Variants in TAFA1 observed in about 807,000 individuals in gnomAD.
TAFA1 encodes chemokine-like protein TAFA-1.
Under a neutral mutation model 18.5 loss-of-function variants are expected in TAFA1, and 4 were observed. The ratio of observed to expected loss-of-function variants is 0.22; its 90% confidence interval spans 0.11 to 0.49. TAFA1 has a LOEUF of 0.49. Among genes scored for constraint, TAFA1 ranks in the 20% least tolerant of loss-of-function variants. TAFA1 has a pLI of 0.98. For synonymous variants in TAFA1, 56 were observed against 55.2 expected (o/e 1.01, Z -0.06); for missense variants, 147 against 169.0 (o/e 0.87, Z 0.72).
In TAFA1 at chr3:68,284,740, C is replaced by T. The variant is rs74452852; in HGVS notation, c.119-132540C>T. On this transcript the variant is annotated intron_variant, in intron 2 of 4. Transcript: ENST00000478136. ...GACAAGAGTTCAAGACTATCCTGGGCGACATAGTGAGAACCCCATCTCTAC... is the reference window on the plus strand; with the variant it reads ...GACAAGAGTTCAAGACTATCCTGGGTGACATAGTGAGAACCCCATCTCTAC... Among the ~76,000 whole-genome samples the T allele has an allele frequency of 6.5e-3, 984 of 151,378 alleles. 11 individuals are homozygous for T. The highest frequency in any genetic ancestry group is 0.02 in the African/African-American group (842 of 41,196).
At chr3:68,214,114 G>T (rs913307607) in intron 2 of TAFA1, among the ~76,000 whole-genome samples, 2 of 152,028 alleles carry the variant, frequency 1.3e-5, no homozygotes, top group Non-Finnish European at 2.9e-5. Context: ...TGGTTTCTTG[G>T]ATTTGCTTGT....
At chr3:68,323,550 ACT>A (rs2068726161) in intron 2 of TAFA1, among the ~76,000 whole-genome samples, 1 of 152,188 alleles carries the variant, frequency 6.6e-6, no homozygotes, top group Admixed American at 6.5e-5. Flanking sequence ...CGTATGTGTA[ACT>A]CTGTAATTTC....
At chr3:68,135,591 G>T (rs2065597731) in intron 2 of TAFA1, among the ~76,000 whole-genome samples, 1 of 152,106 alleles carries the variant, frequency 6.6e-6, no homozygotes, top group African/African-American at 2.4e-5. Flanking sequence ...CATCTCATAG[G>T]GTTGCTTTGA....
At chr3:68,438,795 A>G (rs556017638) in intron 3 of TAFA1, among the ~76,000 whole-genome samples, 73 of 152,128 alleles carry the variant, frequency 4.8e-4, no homozygotes, top group African/African-American at 1.8e-3. Context: ...GGTGACACCA[A>G]AGTTTATGGC....
At chr3:68,352,038 G>A (rs1274433445) in intron 2 of TAFA1, among the ~76,000 whole-genome samples, 3 of 152,020 alleles carry the variant, frequency 2.0e-5, no homozygotes, top group African/African-American at 4.8e-5. Context: ...TTAAGGAATA[G>A]AGATGTATAA....
At chr3:68,488,878 A>G (rs2072398837) in intron 3 of TAFA1, among the ~76,000 whole-genome samples, 1 of 152,142 alleles carries the variant, frequency 6.6e-6, no homozygotes, top group African/African-American at 2.4e-5. Context: ...ATCACCTCAT[A>G]GGGTTATTAT....
At chr3:68,260,921 G>A (rs1229262576) in intron 2 of TAFA1, among the ~76,000 whole-genome samples, 1 of 152,042 alleles carries the variant, frequency 6.6e-6, no homozygotes, top group Non-Finnish European at 1.5e-5. Flanking sequence ...TTGACAAATG[G>A]GATCTAATTA....
chr3:68,170,727 A>G (rs1248255696), intron 2 of TAFA1, among the ~76,000 whole-genome samples: 2 of 152,102 alleles, frequency 1.3e-5, no homozygotes, highest in Non-Finnish European at 2.9e-5. Flanking sequence ...TCATAAACAC[A>G]CAGCCCCTCA....
rs531014563 is a variant in TAFA1, at chr3:68,079,442, G to A, written c.118+72698G>A. 3.5e-4 allele frequency among the ~76,000 whole-genome samples: 53 copies of A among 151,998 alleles called. No homozygotes were observed. The South Asian group carries it at 0.011, about 31-fold the overall frequency. On this transcript the variant is annotated intron_variant, in intron 2 of 4. Transcript: ENST00000478136. ...TTGGATCTTTCCTGCTTTCTCTTATGGGCATTTAATGCTATAAATTTCCCT... is the reference window on the plus strand; with the variant it reads ...TTGGATCTTTCCTGCTTTCTCTTATAGGCATTTAATGCTATAAATTTCCCT...
At chr3:68,253,682 T>C (rs1195946795) in intron 2 of TAFA1, among the ~76,000 whole-genome samples, 2 of 152,204 alleles carry the variant, frequency 1.3e-5, no homozygotes, top group Non-Finnish European at 1.5e-5. Context: ...CAATGCTAGA[T>C]AGTACAATGA....
intron 2 of TAFA1, among the ~76,000 whole-genome samples, chr3:68,339,390 A>T (rs1375825493): frequency 6.6e-6 from 1 of 152,200 alleles, no homozygotes; most frequent in Non-Finnish European, 1.5e-5. Context: ...CTCAGTAGAG[A>T]TTGTGATTAC....
intron 2 of TAFA1, among the ~76,000 whole-genome samples, chr3:68,314,903 T>C (rs1042537835): frequency 6.7e-6 from 1 of 149,444 alleles, no homozygotes; most frequent in African/African-American, 2.4e-5. Context: ...TATACACATA[T>C]TGATATATTC....
chr3:68,461,019 T>G (rs113286111), intron 3 of TAFA1, among the ~76,000 whole-genome samples: 1 of 152,110 alleles, frequency 6.6e-6, no homozygotes, highest in Non-Finnish European at 1.5e-5. Context: ...TGGTGGCTCA[T>G]GCCTGTAATC....
chr3:68,383,388 A>G (rs573503619), intron 2 of TAFA1, among the ~76,000 whole-genome samples: 1 of 152,206 alleles, frequency 6.6e-6, no homozygotes, highest in African/African-American at 2.4e-5. Flanking sequence ...AGAGTTTTTA[A>G]CATGAAGCAA....
chr3:68,188,046 T>G (rs771249737), intron 2 of TAFA1, among the ~76,000 whole-genome samples: 3 of 152,060 alleles, frequency 2.0e-5, no homozygotes, highest in Non-Finnish European at 1.5e-5. Flanking sequence ...AGTTATTTTA[T>G]ATTCTGAATA....
At chr3:68,078,835 T>G (rs1276080926) in intron 2 of TAFA1, among the ~76,000 whole-genome samples, 2 of 152,344 alleles carry the variant, frequency 1.3e-5, no homozygotes, top group Admixed American at 1.3e-4. Context: ...TAAAATGAGT[T>G]AGGGAGGATT....
chr3:68,047,874 C>G (rs1486155676), intron 2 of TAFA1, among the ~76,000 whole-genome samples: 1 of 152,092 alleles, frequency 6.6e-6, no homozygotes, highest in African/African-American at 2.4e-5. Flanking sequence ...CTCCATCACT[C>G]TCCTACGAGA....
At chr3:68,430,939 C>T (rs781435582) in intron 3 of TAFA1, among the ~76,000 whole-genome samples, 31 of 151,972 alleles carry the variant, frequency 2.0e-4, no homozygotes, top group Non-Finnish European at 4.0e-4. Flanking sequence ...ACAGGGGAAG[C>T]GCATCTGGGT....
At chr3:68,381,760 G>C (rs573872003) in intron 2 of TAFA1, among the ~76,000 whole-genome samples, 1 of 151,670 alleles carries the variant, frequency 6.6e-6, no homozygotes, top group Non-Finnish European at 1.5e-5. Flanking sequence ...AATACCCTTT[G>C]TTTCCTTCTG....
Sources: allele counts gnomAD v4.1 joint callset (sites outside exome capture counted in the v4.1 genomes callset), GRCh38; gene constraint gnomAD v4.1.1; transcripts MANE v1.5; gene names NCBI Gene and HGNC (gene_info 2026-07-23, HGNC 2026-07-21).